The following DAB1 variants were observed in gnomAD, a reference collection of about 807,000 sequenced individuals.
DAB1 encodes the protein disabled homolog 1.
In DAB1, 15 loss-of-function variants were observed where a neutral mutation model predicts 64.6. The observed-to-expected ratio is 0.23, with a 90% CI of 0.16 to 0.36. The LOEUF is 0.36. Ranked by LOEUF, DAB1 falls within the 10% of genes least tolerant of loss-of-function variation. The pLI, the probability that DAB1 is intolerant of heterozygous loss-of-function variation, is 1.00. For missense variants in DAB1, 596 were observed against 706.7 expected, an observed-to-expected ratio of 0.84 and a Z score of 1.78; for synonymous variants, 235 against 251.9, an observed-to-expected ratio of 0.93 and a Z score of 0.64.
chr1:58,426,968 G>C (rs1314725199), intron 3 of DAB1, among the ~76,000 whole-genome samples: 1 of 152,218 alleles, frequency 6.6e-6, no homozygotes, highest in African/African-American at 2.4e-5. Context: ...GACATTGAAA[G>C]AGGTGAGGGC....
chr1:58,048,730 C>A, intron 5 of DAB1: 1 of 1,312,710 alleles, frequency 7.6e-7, no homozygotes, highest in Non-Finnish European at 1.1e-6. Context: ...GGATGAAACA[C>A]TAGCCATCTC....
chr1:57,992,810 T>C (rs1475964440), intron 5 of DAB1, among the ~76,000 whole-genome samples: 1 of 152,010 alleles, frequency 6.6e-6, no homozygotes, highest in African/African-American at 2.4e-5. Context: ...TATTATTATC[T>C]ACAGCTGGTG....
At chr1:57,038,828 G>A (rs551683172) in intron 9 of DAB1, among the ~76,000 whole-genome samples, 68 of 152,206 alleles carry the variant, frequency 4.5e-4, no homozygotes, top group African/African-American at 1.3e-3. Context: ...GGGGAAGTTC[G>A]GCATGGGGAA....
intron 5 of DAB1, among the ~76,000 whole-genome samples, chr1:58,067,340 A>C (rs1181080349): frequency 6.6e-6 from 1 of 152,230 alleles, no homozygotes; most frequent in African/African-American, 2.4e-5. Flanking sequence ...TGAATGAATG[A>C]GCTTCTCTGA....
At chr1:57,231,270 C>G (rs1164042512) in intron 2 of DAB1, among the ~76,000 whole-genome samples, 1 of 152,198 alleles carries the variant, frequency 6.6e-6, no homozygotes, top group Non-Finnish European at 1.5e-5. Flanking sequence ...TACCTTCTCA[C>G]TCTCCAAGAC....
intron 7 of DAB1, among the ~76,000 whole-genome samples, chr1:57,642,123 C>T (rs150930402): frequency 9.7e-4 from 148 of 152,004 alleles, no homozygotes; most frequent in African/African-American, 3.2e-3. Flanking sequence ...GTTCTCAGAG[C>T]TAGGTGCTAG....
chr1:57,153,077 G>A (rs79200396), intron 2 of DAB1, among the ~76,000 whole-genome samples: 2 of 152,134 alleles, frequency 1.3e-5, no homozygotes, highest in Admixed American at 6.5e-5. Context: ...CCAGGCTGAC[G>A]TGCAGTGGTA....
At chr1:57,584,881 T>A (rs1263158835) in intron 7 of DAB1, among the ~76,000 whole-genome samples, 2 of 151,562 alleles carry the variant, frequency 1.3e-5, no homozygotes, top group Non-Finnish European at 2.9e-5. Flanking sequence ...TTAGTAAGAA[T>A]CCTGCCATCA....
chr1:57,627,158 G>A (rs114818664), intron 7 of DAB1, among the ~76,000 whole-genome samples: 1,794 of 152,192 alleles, frequency 0.012, 31 homozygotes, highest in African/African-American at 0.041. Flanking sequence ...TGCTTGAGCC[G>A]GGACAGCCAT....
chr1:58,437,614 A>C (rs1569784928), intron 3 of DAB1, among the ~76,000 whole-genome samples: 1 of 152,330 alleles, frequency 6.6e-6, no homozygotes, highest in East Asian at 1.9e-4. Context: ...TTCCAGTATA[A>C]GCTCTAATGC....
intron 4 of DAB1, among the ~76,000 whole-genome samples, chr1:58,181,734 C>CT (rs1656804991): frequency 6.6e-6 from 1 of 150,924 alleles, no homozygotes; most frequent in Non-Finnish European, 1.5e-5. Flanking sequence ...CTTTCTCCTT[C>CT]TTTGTGTTAT....
chr1:57,190,997 T>C (rs1376091109), intron 2 of DAB1, among the ~76,000 whole-genome samples: 2 of 152,206 alleles, frequency 1.3e-5, no homozygotes, highest in Non-Finnish European at 2.9e-5. Flanking sequence ...TTTTAGTCTC[T>C]TTACCTGAAA....
intron 2 of DAB1, among the ~76,000 whole-genome samples, chr1:57,223,878 C>G: frequency 6.6e-6 from 1 of 152,164 alleles, no homozygotes. Context: ...TTCCTGACAC[C>G]TTGCTTCTGC....
At chr1:58,160,300 G>T (rs941085111) in intron 4 of DAB1, among the ~76,000 whole-genome samples, 1 of 152,140 alleles carries the variant, frequency 6.6e-6, no homozygotes, top group African/African-American at 2.4e-5. Flanking sequence ...AGTTTCAGCA[G>T]GTTTAAGAGC....
At chr1:58,067,739 C>A (rs1011097541) in intron 5 of DAB1, among the ~76,000 whole-genome samples, 1 of 152,184 alleles carries the variant, frequency 6.6e-6, no homozygotes, top group Non-Finnish European at 1.5e-5. Context: ...CCTAGCCATA[C>A]GTATACTAGC....
At chr1:57,409,537 G>A (rs892188353) in intron 1 of DAB1, among the ~76,000 whole-genome samples, 6 of 152,180 alleles carry the variant, frequency 3.9e-5, no homozygotes, top group South Asian at 2.1e-4. Context: ...GGGGCTGGGC[G>A]TGGTGGCTCA....
intron 2 of DAB1, among the ~76,000 whole-genome samples, chr1:57,189,114 A>G (rs1312718654): frequency 6.6e-6 from 1 of 151,668 alleles, no homozygotes; most frequent in East Asian, 1.9e-4. Flanking sequence ...GATCAAAATA[A>G]CCTCCTTCTC....
At chr1:58,423,100 A>G (rs1644788294) in intron 3 of DAB1, among the ~76,000 whole-genome samples, 1 of 152,188 alleles carries the variant, frequency 6.6e-6, no homozygotes, top group Admixed American at 6.5e-5. Flanking sequence ...ATAACCTTCT[A>G]GGAAAATGTG....
intron 2 of DAB1, among the ~76,000 whole-genome samples, chr1:57,190,833 G>A (rs543004690): frequency 6.6e-6 from 1 of 152,036 alleles, no homozygotes; most frequent in East Asian, 1.9e-4. Context: ...TTGACCGAGG[G>A]GCTCCAGTAA....
Sources: allele counts gnomAD v4.1 joint callset (sites outside exome capture counted in the v4.1 genomes callset), GRCh38; gene constraint gnomAD v4.1.1; transcripts MANE v1.5; gene names NCBI Gene and HGNC (gene_info 2026-07-23, HGNC 2026-07-21).